The following STRN3 variants were observed in gnomAD, a reference collection of about 807,000 sequenced individuals.
STRN3 encodes the protein striatin-3.
A neutral mutation model predicts 95.6 loss-of-function variants in STRN3; 29 were observed. The observed-to-expected ratio is 0.30, with a 90% CI of 0.23 to 0.41. STRN3 has a LOEUF of 0.41. Among genes scored for constraint, STRN3 ranks in the 10% least tolerant of loss-of-function variants. The pLI is 1.00. For synonymous variants in STRN3, 331 were observed against 357.6 expected (o/e 0.93, Z 0.84); for missense variants, 890 against 972.1 (o/e 0.92, Z 1.12).
At chr14:30,899,509 A>G (rs774445508) in intron 16 of STRN3, among the ~76,000 whole-genome samples, 19 of 152,182 alleles carry the variant, frequency 1.2e-4, no homozygotes, top group Non-Finnish European at 2.2e-4. Flanking sequence ...TAAAAATTCA[A>G]TATTCTTAAC....
At chr14:30,956,859 C>G (rs964473527) in intron 1 of STRN3, among the ~76,000 whole-genome samples, 2 of 152,188 alleles carry the variant, frequency 1.3e-5, no homozygotes, top group Admixed American at 6.5e-5. Flanking sequence ...TCTTGAAATA[C>G]TAGAAAATTT....
chr14:30,963,979 C>T (rs558866764), intron 1 of STRN3, among the ~76,000 whole-genome samples: 1 of 152,094 alleles, frequency 6.6e-6, no homozygotes, highest in Non-Finnish European at 1.5e-5. Context: ...GAGCCAGGTG[C>T]GATGGCTCAT....
intron 1 of STRN3, among the ~76,000 whole-genome samples, chr14:30,977,973 G>A (rs78602318): frequency 0.018 from 2,776 of 152,126 alleles, 88 homozygotes; most frequent in African/African-American, 0.062. Flanking sequence ...AGCAATAAAT[G>A]ACGTGAATGG....
intron 1 of STRN3, among the ~76,000 whole-genome samples, chr14:30,977,685 C>G (rs375011663): frequency 1.4e-5 from 2 of 147,954 alleles, no homozygotes; most frequent in African/African-American, 5.0e-5. Context: ...CCCAGCTACT[C>G]GAGAGGCTGA....
chr14:31,016,857 A>T (rs1250391463), intron 1 of STRN3, among the ~76,000 whole-genome samples: 3 of 152,104 alleles, frequency 2.0e-5, no homozygotes, highest in South Asian at 2.1e-4. Context: ...AATAATTTTT[A>T]AAAATTATAG....
intron 13 of STRN3, among the ~76,000 whole-genome samples, chr14:30,908,514 C>T (rs1282222664): frequency 1.3e-5 from 2 of 152,218 alleles, no homozygotes; most frequent in Non-Finnish European, 1.5e-5. Flanking sequence ...TTAGCTGCAG[C>T]GTCCAAACTC....
chr14:30,982,252 A>C (rs531686522), intron 1 of STRN3, among the ~76,000 whole-genome samples: 1 of 152,304 alleles, frequency 6.6e-6, no homozygotes, highest in Admixed American at 6.5e-5. Flanking sequence ...ACCATCCTCA[A>C]AGATCTCAAT....
At chr14:30,897,886 T>C (rs940500467) in intron 16 of STRN3, among the ~76,000 whole-genome samples, 2 of 152,212 alleles carry the variant, frequency 1.3e-5, no homozygotes, top group African/African-American at 4.8e-5. Flanking sequence ...GTGTATAAAA[T>C]GGTTGGCCTC....
intron 1 of STRN3, among the ~76,000 whole-genome samples, chr14:30,973,309 C>G (rs1196578529): frequency 7.5e-6 from 1 of 132,572 alleles, no homozygotes; most frequent in Non-Finnish European, 1.6e-5. Context: ...TTGAAAAGAT[C>G]AAAAAAACTG....
chr14:31,021,166 G>T (rs898069344), intron 1 of STRN3, among the ~76,000 whole-genome samples: 6 of 152,040 alleles, frequency 3.9e-5, no homozygotes, highest in African/African-American at 1.5e-4. Flanking sequence ...AAGGGAAAGA[G>T]GCAGGCACTT....
At chr14:31,014,932 A>T (rs2139334523) in intron 1 of STRN3, among the ~76,000 whole-genome samples, 1 of 152,098 alleles carries the variant, frequency 6.6e-6, no homozygotes, top group Non-Finnish European at 1.5e-5. Context: ...GGTTCAAGCG[A>T]TTCTCCTGCC....
chr14:30,938,023 T>C (rs1878908543), intron 5 of STRN3, among the ~76,000 whole-genome samples: 1 of 152,170 alleles, frequency 6.6e-6, no homozygotes. Context: ...TTATAATACC[T>C]AATACACTGT....
At chr14:31,004,276 G>A (rs535264576) in intron 1 of STRN3, among the ~76,000 whole-genome samples, 1 of 151,414 alleles carries the variant, frequency 6.6e-6, no homozygotes, top group South Asian at 2.1e-4. Context: ...TAGGCAACAG[G>A]GTGCAACCCT....
At chr14:30,959,234 G>C (rs1416184104) in intron 1 of STRN3, among the ~76,000 whole-genome samples, 1 of 152,158 alleles carries the variant, frequency 6.6e-6, no homozygotes, top group African/African-American at 2.4e-5. Flanking sequence ...GCTGAAGCAG[G>C]AGGATCATTT....
intron 1 of STRN3, among the ~76,000 whole-genome samples, chr14:31,006,118 CAAAA>C (rs370320880): frequency 2.7e-5 from 2 of 75,264 alleles, no homozygotes; most frequent in Non-Finnish European, 2.7e-5. Context: ...GACTCTGTCT[CAAAA>C]AAAAAAAAAA....
chr14:30,898,873 T>C (rs1256510911), intron 16 of STRN3, among the ~76,000 whole-genome samples: 5 of 152,152 alleles, frequency 3.3e-5, no homozygotes, highest in Non-Finnish European at 7.3e-5. Context: ...CTCTATTAAA[T>C]GGAGAGAAAA....
chr14:30,911,778 T>C lies in STRN3; in HGVS notation c.1597A>G (p.Ile533Val), dbSNP rs766358863. The part of the protein sequence containing the change: ...VEPIYTFRAH[I>V]GPVLSLAISS... ...AAATACCAATTCAGTAAAACTTACA[T>C]GTGGGCCCTAAATGTGTAGATAGGC... The change falls in exon 12 of 18, where the codon ATC (isoleucine) becomes GTC (valine). Residue 533 changes from isoleucine to valine, a missense_variant and splice_region_variant. By Grantham distance (29) the Ile-to-Val change is conservative. This residue lies in a region of STRN3 where 357 missense variants were observed against 422.8 expected (regional missense o/e 0.84). Coordinates refer to ENST00000357479, the MANE Select transcript of STRN3 (RefSeq NM_001083893.2). The C allele has an allele frequency of 1.2e-6, 2 of 1,606,038 alleles. No homozygotes were observed. The highest frequency in any genetic ancestry group is 3.4e-5 in the Admixed American group (2 of 58,710).
At chr14:30,944,383 T>A (rs1879238040) in intron 5 of STRN3, among the ~76,000 whole-genome samples, 2 of 151,740 alleles carry the variant, frequency 1.3e-5, no homozygotes, top group South Asian at 4.1e-4. Context: ...TTAATAGTCA[T>A]TTCTCAGAAA....
chr14:30,945,869 T>G (rs1432736224), intron 5 of STRN3, among the ~76,000 whole-genome samples: 1 of 152,162 alleles, frequency 6.6e-6, no homozygotes, highest in Non-Finnish European at 1.5e-5. Context: ...AGCGGCCACC[T>G]AATGGGTATG....
Sources: allele counts gnomAD v4.1 joint callset (sites outside exome capture counted in the v4.1 genomes callset), GRCh38; gene constraint gnomAD v4.1.1; regional missense constraint gnomAD v4.1.1; transcripts MANE v1.5; gene names NCBI Gene and HGNC (gene_info 2026-07-23, HGNC 2026-07-21).